The following KLC4 variants were observed in gnomAD, a reference collection of about 807,000 sequenced individuals.
KLC4 encodes kinesin-like protein 8.
A neutral mutation model predicts 77.2 loss-of-function variants in KLC4; 49 were observed. The observed-to-expected ratio is 0.63, with a 90% CI of 0.50 to 0.80. The LOEUF is 0.80. Ranked by LOEUF, KLC4 falls within the 30% of genes least tolerant of loss-of-function variation. The pLI is 0.00. For missense variants in KLC4, 669 were observed against 793.5 expected (o/e 0.84, Z 1.89); for synonymous variants, 274 against 314.5 (o/e 0.87, Z 1.36).
chr6:43,073,203 T>C lies in KLC4; in HGVS notation c.1630-20T>C. ...TGTGTGGGATCCTTGTAGCTTTCAT[T>C]GCTCACTCCTTTCTGCCAGGATGGC... On this transcript the variant is annotated intron_variant, in intron 13 of 15. Coordinates refer to ENST00000347162, the MANE Select transcript of KLC4 (RefSeq NM_201521.3). 1 of 1,597,324 alleles carries C rather than the reference T, an allele frequency of 6.3e-7. No individual in the cohort carries two copies. The highest frequency in any genetic ancestry group is 8.6e-7 in the Non-Finnish European group (1 of 1,165,038).
intron 13 of KLC4, 94 bp downstream of exon 13, chr6:43,073,058 A>G: frequency 6.8e-7 from 1 of 1,468,030 alleles, no homozygotes; most frequent in South Asian, 1.3e-5. Context: ...TAGGTAGTGT[A>G]TTCCTTCAGG....
At chr6:43,074,535 C>A in intron 15 of KLC4, 87 bp from the exon 16 acceptor site, 1 of 1,108,758 alleles carries the variant, frequency 9.0e-7, no homozygotes, top group Non-Finnish European at 1.4e-6. Context: ...CAGAGATACA[C>A]TGTGACCATG....
intron 6 of KLC4, among the ~76,000 whole-genome samples, chr6:43,068,317 C>G (rs1324351961): frequency 2.3e-5 from 3 of 131,418 alleles, no homozygotes; most frequent in Non-Finnish European, 3.3e-5. Context: ...ACTAAAAATA[C>G]AAAAATTAGC....
chr6:43,061,584 T>C lies in KLC4; in HGVS notation c.249T>C (p.Ser83=), dbSNP rs1765164200. The change falls in exon 2 of 16, where the codon AGT becomes AGC. Residue 83 remains serine (S), a synonymous_variant. Coordinates refer to ENST00000347162, the MANE Select transcript of KLC4 (RefSeq NM_201521.3). ...TGGAAAACATTGAGCTCGGGCTGAG[T>C]GAGGCCCAGGTGAGAGGGCAAAGGT... is the stretch of plus-strand genomic sequence containing the variant. ...RSMENIELGL[S]EAQVMLALAS... The C allele has an allele frequency of 3.1e-6, 5 of 1,609,820 alleles. No individual in the cohort carries two copies. Among genetic ancestry groups the C allele is most frequent in the Non-Finnish European group, 4.2e-6 (5 of 1,176,930 alleles).
intron 3 of KLC4, chr6:43,065,408 G>A (rs1274813789): frequency 2.0e-6 from 1 of 506,844 alleles, no homozygotes; most frequent in Non-Finnish European, 3.6e-6. Context: ...AGGAGGGGAA[G>A]TCTTGAGATT....
At chr6:43,066,111 C>T (rs1561914432) in intron 4 of KLC4, among the ~76,000 whole-genome samples, 195 bp from the exon 5 acceptor site, 1 of 152,168 alleles carries the variant, frequency 6.6e-6, no homozygotes, top group Non-Finnish European at 1.5e-5. Context: ...GCATGAATTA[C>T]TGGGTGAACA....
intron 2 of KLC4, 44 bp from the exon 3 acceptor site, chr6:43,062,873 T>C (rs571829056): frequency 3.9e-6 from 6 of 1,550,832 alleles, no homozygotes; most frequent in Non-Finnish European, 4.5e-6. Context: ...TGTTCCTGAA[T>C]ACTCCCACCC....
chr6:43,070,513 C>T lies in KLC4; in HGVS notation c.981+58C>T. The T allele has an allele frequency of 2.7e-6, 4 of 1,456,298 alleles. No individual in the cohort carries two copies. In the South Asian group the frequency reaches 4.6e-5, roughly 17 times the overall value. The allele number at this position is 1,456,298 out of a possible 1,614,324, so 90.2% of individuals were successfully genotyped here. On this transcript the variant is annotated intron_variant, in intron 7 of 15. Coordinates refer to ENST00000347162, the MANE Select transcript of KLC4 (RefSeq NM_201521.3). ...CGCTGTGACCCTTCTCTACATGGCT[C>T]CTCTGGTCTAACCCTCCTCCTTCAC...
intron 4 of KLC4, 31 bp from the exon 5 acceptor site, chr6:43,066,275 A>T: frequency 1.3e-6 from 2 of 1,567,672 alleles, no homozygotes; most frequent in Non-Finnish European, 1.8e-6. Context: ...GGAGAGGAAG[A>T]GTCCTTTGTT....
chr6:43,066,352 G>A lies in KLC4; in HGVS notation c.618G>A (p.Glu206=), dbSNP rs1243532521. The A allele has an allele frequency of 1.2e-6, 2 of 1,614,076 alleles. No homozygotes were observed. Among genetic ancestry groups the A allele is most frequent in the East Asian group, 4.5e-5 (2 of 44,900 alleles). Residue 206 remains glutamate (E), a synonymous_variant, in exon 5 of 16, where the codon GAG becomes GAA. Coordinates refer to ENST00000347162, the MANE Select transcript of KLC4 (RefSeq NM_201521.3). ...CAGCAGCTCAGCAGGGTGGATATGA[G>A]ATCCCAGCAAGGTTGCGGACGTTGC... ...GATAAQQGGY[E]IPARLRTLHN... is the part of the protein sequence containing the mutation.
intron 4 of KLC4, 138 bp downstream of exon 4, chr6:43,065,839 C>G (rs1453197702): frequency 4.7e-6 from 3 of 635,060 alleles, no homozygotes; most frequent in Non-Finnish European, 8.3e-6. Flanking sequence ...AGGGGCTGGG[C>G]TAGTACTTCG....
intron 1 of KLC4, chr6:43,060,377 ATTGGGCGTC>A (rs780188541): frequency 1.7e-6 from 2 of 1,184,764 alleles, no homozygotes; most frequent in South Asian, 2.4e-5. Context: ...GGAGACGGGA[ATTGGGCGTC>A]TTTGAAGACC....
At position 43,061,400 on chromosome 6, in the gene KLC4, T is replaced by C. The variant is rs1765149682; in HGVS notation, c.65T>C (p.Ile22Thr). 1 of 1,613,882 alleles carries C rather than the reference T, an allele frequency of 6.2e-7. No homozygotes were observed. The highest frequency in any genetic ancestry group is 1.7e-5 in the Admixed American group (1 of 60,006). Residue 22 changes from isoleucine to threonine, a missense_variant, in exon 2 of 16, where the codon ATC (isoleucine) becomes ACC (threonine). Physicochemically the swap from Ile to Thr is moderately conservative, Grantham distance 89. Coordinates refer to ENST00000347162, the MANE Select transcript of KLC4 (RefSeq NM_201521.3). ...PAGHRLSQEEILGSTRLVSQG... is the reference protein window; with the variant it reads ...PAGHRLSQEETLGSTRLVSQG... ...GGCCACCGGCTCAGCCAAGAGGAGA[T>C]CCTGGGGAGCACACGGCTGGTCAGC...
chr6:43,067,377 T>A (rs1017695275), intron 6 of KLC4: 4 of 471,846 alleles, frequency 8.5e-6, no homozygotes, highest in Non-Finnish European at 1.4e-5. Context: ...CTCTAATAAA[T>A]ATAAAAGAAA....
chr6:43,072,692 C>T (rs574966067), intron 12 of KLC4, 132 bp from the exon 13 acceptor site: 40 of 763,364 alleles, frequency 5.2e-5, no homozygotes, highest in Non-Finnish European at 8.5e-5. Flanking sequence ...AAGTATTATT[C>T]CAGTAGGTAT....
intron 1 of KLC4, chr6:43,059,926 C>T: frequency 2.3e-6 from 3 of 1,278,216 alleles, no homozygotes; most frequent in Non-Finnish European, 3.0e-6. Flanking sequence ...CCTCCACGTC[C>T]TCGCTGGAGC....
chr6:43,059,802 C>T (rs1765038953), intron 1 of KLC4, 117 bp downstream of exon 1: 10 of 1,174,868 alleles, frequency 8.5e-6, no homozygotes, highest in Non-Finnish European at 1.1e-5. Flanking sequence ...CTCCAGCCTC[C>T]AAAACTCCGC....
intron 1 of KLC4, 122 bp from the exon 2 acceptor site, chr6:43,061,189 G>A: frequency 9.7e-7 from 1 of 1,034,060 alleles, no homozygotes; most frequent in Non-Finnish European, 1.4e-6. Flanking sequence ...TCTCTCTCCA[G>A]CTAAGCCACA....
chr6:43,071,664 C>T (rs745915206), intron 10 of KLC4, 45 bp downstream of exon 10: 168 of 1,589,078 alleles, frequency 1.1e-4, no homozygotes, highest in Non-Finnish European at 1.4e-4. Flanking sequence ...TCAAGGCTAC[C>T]GGGGTCTCTG....
Sources: gnomAD v4.1 joint callset for allele counts (sites outside exome capture counted in the v4.1 genomes callset) on GRCh38, gnomAD v4.1.1 for gene constraint, MANE v1.5 for transcripts, NCBI Gene and HGNC (gene_info 2026-07-23, HGNC 2026-07-21) for gene names.